MECOM: variants seen among roughly 807,000 people sequenced by gnomAD.
The protein encoded by MECOM is MDS1 and EVI1 complex locus, also known as histone-lysine N-methyltransferase MECOM.
A neutral mutation model predicts 116.3 loss-of-function variants in MECOM; 13 were observed. That is an observed-to-expected ratio of 0.11 (90% CI 0.07 to 0.18). The LOEUF (loss-of-function observed/expected upper bound fraction) is 0.18. MECOM is among the 10% of genes least tolerant of loss of function. MECOM has a pLI of 1.00. For missense variants in MECOM, 1,299 were observed against 1,509.0 expected (o/e 0.86, Z 2.31); for synonymous variants, 528 against 535.2 (o/e 0.99, Z 0.19).
chr3:169,312,844 C>T (rs548142518), intron 2 of MECOM, among the ~76,000 whole-genome samples: 10 of 151,986 alleles, frequency 6.6e-5, no homozygotes, highest in African/African-American at 2.4e-4. Context: ...GATCTCCAAA[C>T]GTGGAATTAA....
chr3:169,258,217 C>T (rs908729920), intron 2 of MECOM, among the ~76,000 whole-genome samples: 1 of 150,436 alleles, frequency 6.6e-6, no homozygotes, highest in African/African-American at 2.4e-5. Flanking sequence ...AAGACTCCAT[C>T]ACAAAAAAAG....
intron 1 of MECOM, among the ~76,000 whole-genome samples, chr3:169,428,913 A>C (rs1741156546): frequency 6.6e-6 from 1 of 152,196 alleles, no homozygotes; most frequent in South Asian, 2.1e-4. Context: ...GGTGCAAAGA[A>C]AATGAAAAGA....
chr3:169,479,203 C>A (rs1750915800), intron 1 of MECOM, among the ~76,000 whole-genome samples: 1 of 151,882 alleles, frequency 6.6e-6, no homozygotes, highest in African/African-American at 2.4e-5. Context: ...ACGCTAGGGT[C>A]TCAGGCAGGA....
At chr3:169,085,110 AT>A (rs1278893239) in intron 16 of MECOM, 67 bp from the exon 17 acceptor site, 1 of 1,592,974 alleles carries the variant, frequency 6.3e-7, no homozygotes, top group Non-Finnish European at 8.6e-7. Flanking sequence ...TTCAAAGAAT[AT>A]TGTTGGTAAA....
chr3:169,536,313 G>C (rs6776319), intron 1 of MECOM, among the ~76,000 whole-genome samples: 49,430 of 149,040 alleles, frequency 0.33, 8,461 homozygotes, highest in African/African-American at 0.39. Context: ...GTAAAAGTTA[G>C]TGGATTTGGA....
intron 1 of MECOM, among the ~76,000 whole-genome samples, chr3:169,535,615 A>G (rs930657507): frequency 5.3e-4 from 81 of 151,758 alleles, no homozygotes; most frequent in African/African-American, 1.9e-3. Context: ...CCCCTCCTTC[A>G]TTTTTCTCAG....
chr3:169,441,804 C>T (rs1486199973), intron 1 of MECOM, among the ~76,000 whole-genome samples: 1 of 149,220 alleles, frequency 6.7e-6, no homozygotes, highest in Non-Finnish European at 1.5e-5. Flanking sequence ...AATCTCAGTG[C>T]ACTGCAACCT....
At chr3:169,344,931 T>A (rs1725098186) in intron 2 of MECOM, among the ~76,000 whole-genome samples, 1 of 152,126 alleles carries the variant, frequency 6.6e-6, no homozygotes, top group Admixed American at 6.6e-5. Context: ...TGCTACATGA[T>A]AAAAATTAGT....
At chr3:169,160,490 T>C (rs1389914615) in intron 2 of MECOM, among the ~76,000 whole-genome samples, 35 of 149,632 alleles carry the variant, frequency 2.3e-4, no homozygotes, top group Non-Finnish European at 2.5e-4. Context: ...AACTTTTAGT[T>C]ATTTTTAAAT....
chr3:169,312,445 T>C (rs1718973101), intron 2 of MECOM, among the ~76,000 whole-genome samples: 1 of 145,536 alleles, frequency 6.9e-6, no homozygotes, highest in African/African-American at 2.6e-5. Context: ...CTCGGCTCAC[T>C]GCAAGCTCCG....
intron 1 of MECOM, among the ~76,000 whole-genome samples, chr3:169,662,097 G>A (rs1776356343): frequency 6.6e-6 from 1 of 152,212 alleles, no homozygotes; most frequent in African/African-American, 2.4e-5. Flanking sequence ...ACACCGTGTG[G>A]GAAAGTGTGG....
chr3:169,267,795 A>G (rs1758495675), intron 2 of MECOM, among the ~76,000 whole-genome samples: 2 of 151,924 alleles, frequency 1.3e-5, no homozygotes, highest in Admixed American at 6.6e-5. Flanking sequence ...GTTGCTTTCC[A>G]TTTACCAGGG....
At chr3:169,452,099 A>G (rs1057227955) in intron 1 of MECOM, among the ~76,000 whole-genome samples, 1 of 152,024 alleles carries the variant, frequency 6.6e-6, no homozygotes, top group Non-Finnish European at 1.5e-5. Flanking sequence ...AAAAACTTTG[A>G]ATGGATCAAA....
At chr3:169,325,385 T>C (rs375418541) in intron 2 of MECOM, among the ~76,000 whole-genome samples, 1 of 152,180 alleles carries the variant, frequency 6.6e-6, no homozygotes, top group Non-Finnish European at 1.5e-5. Flanking sequence ...ACATAACAAC[T>C]GAAAAGTATC....
chr3:169,219,055 T>C (rs1486390087), intron 2 of MECOM, among the ~76,000 whole-genome samples: 1 of 152,106 alleles, frequency 6.6e-6, no homozygotes, highest in African/African-American at 2.4e-5. Context: ...GCAACAACTA[T>C]AAAATTCAGC....
intron 1 of MECOM, among the ~76,000 whole-genome samples, chr3:169,634,339 A>T (rs1772460253): frequency 6.6e-6 from 1 of 152,278 alleles, no homozygotes; most frequent in African/African-American, 2.4e-5. Flanking sequence ...CCTAATTTAC[A>T]GAGCTTTTGA....
intron 4 of MECOM, among the ~76,000 whole-genome samples, chr3:169,130,887 T>G (rs1187339570): frequency 2.6e-5 from 4 of 152,190 alleles, no homozygotes; most frequent in Non-Finnish European, 5.9e-5. Flanking sequence ...ATCATTATTT[T>G]TTATTATCTT....
intron 2 of MECOM, among the ~76,000 whole-genome samples, chr3:169,185,051 C>T (rs945856549): frequency 1.3e-5 from 2 of 151,974 alleles, no homozygotes; most frequent in African/African-American, 2.4e-5. Context: ...AAGGAGAGGG[C>T]GGATATATTT....
At chr3:169,307,813 G>T (rs1717994129) in intron 2 of MECOM, among the ~76,000 whole-genome samples, 1 of 152,028 alleles carries the variant, frequency 6.6e-6, no homozygotes, top group Admixed American at 6.6e-5. Context: ...AGTTTCTGAT[G>T]CTCCATAGCA....
Sources: gnomAD v4.1 joint callset for allele counts (sites outside exome capture counted in the v4.1 genomes callset) on GRCh38, gnomAD v4.1.1 for gene constraint, MANE v1.5 for transcripts, NCBI Gene and HGNC (gene_info 2026-07-23, HGNC 2026-07-21) for gene names.